GMCL2: variants seen among roughly 807,000 people sequenced by gnomAD.
GMCL2 encodes germ cell-less protein-like 2.
GMCL2 carries 33 observed loss-of-function variants against 36.2 expected under a neutral mutation model. The ratio of observed to expected loss-of-function variants is 0.91; its 90% CI spans 0.69 to 1.22. The LOEUF (loss-of-function observed/expected upper bound fraction) is 1.22. GMCL2 is among the 50% of genes most tolerant of loss of function. GMCL2 has a pLI of 0.00. For missense variants in GMCL2, 478 were observed against 514.5 expected, an observed-to-expected ratio of 0.93 and a Z score of 0.69; for synonymous variants, 172 against 184.3, an observed-to-expected ratio of 0.93 and a Z score of 0.54.
In GMCL2 at chr5:178,186,417, A is replaced by G. The variant is rs563091690; in HGVS notation, c.883T>C (p.Leu295=). The G allele has an allele frequency of 6.2e-7, 1 of 1,611,962 alleles. No individual in the cohort carries two copies. The highest frequency in any genetic ancestry group is 1.7e-5 in the Admixed American group (1 of 60,030). The change falls in exon 1 of 1, where the codon TTA becomes CTA. Residue 295 remains leucine, a synonymous_variant. Transcript: ENST00000463439. ...LQLVPSWNGS[L]KQLLTETDVW... is the part of the protein sequence containing the mutation. Reference sequence around the variant, plus strand: ...TCTGTTTCTGTCAAAAGCTGTTTTAAAGATCCATTCCAAGAAGGCACAAGT... The same window carrying G: ...TCTGTTTCTGTCAAAAGCTGTTTTAGAGATCCATTCCAAGAAGGCACAAGT...
rs928576588 is a variant in GMCL2 at position 178,185,048 on chromosome 5, T to G, written c.*671A>C. ...GATTTTTCACGCATTCAAGATCATT[T>G]GAAGGTGTGAAGCTAACTTTCATTG... On this transcript the variant is annotated 3_prime_UTR_variant, in exon 1 of 1. Transcript: ENST00000463439. Among the ~76,000 whole-genome samples, 11 of 152,218 alleles carry G rather than the reference T, an allele frequency of 7.2e-5. No individual in the cohort carries two copies. The highest frequency in any genetic ancestry group is 1.2e-4 in the Non-Finnish European group (8 of 68,024).
Position 178,187,270 on chromosome 5 carries a change from G to C in GMCL2, c.30C>G (p.Gly10=). 1.1e-6 allele frequency: 1 copy of C among 941,936 alleles called. No homozygotes were observed. The highest frequency in any genetic ancestry group is 1.4e-5 in the South Asian group (1 of 70,922). 58.3% of individuals were successfully genotyped at this position (941,936 alleles called of 1,614,324 possible). MGSSSSRVL[G]QPRRALAQQE... ...GCTGGGCAAGGGCTCGCCTCGGCTG[G>C]CCCAGCACCCGGCTGCTCGACGATC... The change falls in exon 1 of 1, where the codon GGC becomes GGG. Residue 10 remains glycine (G), a synonymous_variant. Transcript: ENST00000463439.
rs747551813 is a variant in GMCL2, at chr5:178,186,658, G to A, written c.642C>T (p.Cys214=). ...AGATCTCTACTGATGTGTAATAACC[G>A]CATACAGTTTTCACATTAATTGTTT... The part of the protein sequence containing the change: ...MKETINVKTV[C]GYYTSVEIYG... Residue 214 remains cysteine, a synonymous_variant, in exon 1 of 1, where the codon TGC becomes TGT. Transcript: ENST00000463439. 15 of 1,179,472 alleles carry A rather than the reference G, an allele frequency of 1.3e-5. No homozygotes were observed. The highest frequency in any genetic ancestry group is 6.0e-5 in the African/African-American group (4 of 66,488). 73.1% of individuals were successfully genotyped at this position (1,179,472 alleles called of 1,614,324 possible). A position where few individuals can be genotyped will look rare whatever the true frequency, so the allele number is the denominator to read the frequency against.
rs764745488 is a variant in GMCL2, at chr5:178,186,577, C to T, written c.723G>A (p.Met241Ile). 2 of 1,234,478 alleles carry T rather than the reference C, an allele frequency of 1.6e-6. No individual in the cohort carries two copies. The highest frequency in any genetic ancestry group is 2.3e-5 in the East Asian group (1 of 43,112). 76.5% of individuals were successfully genotyped at this position (1,234,478 alleles called of 1,614,324 possible). The change falls in exon 1 of 1, where the codon ATG (methionine) becomes ATA (isoleucine). Residue 241 changes from methionine to isoleucine, a missense_variant. Met to Ile is a conservative substitution (Grantham distance 10). Transcript: ENST00000463439. ...TAAAAAGTTTAACATTCTGGTGAGTCATCAAATTGTTTAGAAGCCATTCAA... is the reference window on the plus strand; with the variant it reads ...TAAAAAGTTTAACATTCTGGTGAGTTATCAAATTGTTTAGAAGCCATTCAA... ...KCLEWLLNNL[M>I]THQNVKLFKE...
In GMCL2 at chr5:178,185,850, G is replaced by C; in HGVS notation, c.1450C>G (p.Gln484Glu). The change falls in exon 1 of 1, where the codon CAG becomes GAG. Residue 484 changes from glutamine to glutamate, a missense_variant. This residue lies in a region of GMCL2 where 135 missense variants were observed against 119.0 expected (regional missense o/e 1.13). Transcript: ENST00000463439. ...TCCAAGTTCATCACCACTTGTTCCT[G>C]ATCCTTTTTAAGTATAAGTATTTGA... ...GYQILILKKD[Q>E]EQVVMNLDSR... 1 of 912,256 alleles carries C rather than the reference G, an allele frequency of 1.1e-6. No homozygotes were observed. Among genetic ancestry groups the C allele is most frequent in the Non-Finnish European group, 1.8e-6 (1 of 544,526 alleles). 56.5% of individuals were successfully genotyped at this position (912,256 alleles called of 1,614,324 possible). A position where few individuals can be genotyped will look rare whatever the true frequency, so the allele number is the denominator to read the frequency against.
chr5:178,185,961 G>C lies in GMCL2; in HGVS notation c.1339C>G (p.Arg447Gly). The C allele has an allele frequency of 1.3e-6, 1 of 767,438 alleles. No homozygotes were observed. The highest frequency in any genetic ancestry group is 2.4e-6 in the Non-Finnish European group (1 of 411,642). The allele number at this position is 767,438 out of a possible 1,614,324, so 47.5% of individuals were successfully genotyped here. A position where few individuals can be genotyped will look rare whatever the true frequency, so the allele number is the denominator to read the frequency against. ...NQPRSGSVSL[R>G]PRRSIAFRLR... ...CTAAATGCTATGCTCCTTCGAGGCC[G>C]TAAACTGACAGACCCGCTGCGTGGC... is the stretch of plus-strand genomic sequence containing the variant. Residue 447 changes from arginine to glycine, a missense_variant, in exon 1 of 1, where the codon CGG becomes GGG. Physicochemically the swap from Arg to Gly is moderately radical, Grantham distance 125. Transcript: ENST00000463439.
rs1213888315 is a variant in GMCL2, at chr5:178,186,441, G to A, written c.859C>T (p.Leu287Phe). 1 of 1,609,074 alleles carries A rather than the reference G, an allele frequency of 6.2e-7. No homozygotes were observed. The highest frequency in any genetic ancestry group is 1.1e-5 in the South Asian group (1 of 90,972). Residue 287 changes from leucine (L) to phenylalanine (F), a missense_variant, in exon 1 of 1, where the codon CTT becomes TTT. By Grantham distance (22) the Leu-to-Phe change is conservative (BLOSUM62 0). Transcript: ENST00000463439. ...AAAGATCCATTCCAAGAAGGCACAA[G>A]TTGAAGGAACATCCACTTTTTTAGA... ...TTLKKWMFLQ[L>F]VPSWNGSLKQ...
At position 178,187,277 on chromosome 5, in the gene GMCL2, A is replaced by C; in HGVS notation, c.23T>G (p.Val8Gly). MGSSSSR[V>G]LGQPRRALAQ... is the part of the protein sequence containing the mutation. ...AAGGGCTCGCCTCGGCTGGCCCAGC[A>C]CCCGGCTGCTCGACGATCCCATGGG... Residue 8 changes from valine (V) to glycine (G), a missense_variant, in exon 1 of 1, where the codon GTG becomes GGG. Physicochemically the swap from Val to Gly is moderately radical, Grantham distance 109. This residue lies in a region of GMCL2 where 127 missense variants were observed against 86.4 expected (regional missense o/e 1.47). Transcript: ENST00000463439. The C allele has an allele frequency of 1.1e-6, 1 of 922,668 alleles. No individual in the cohort carries two copies. Among genetic ancestry groups the C allele is most frequent in the Non-Finnish European group, 1.7e-6 (1 of 593,344 alleles). The allele number at this position is 922,668 out of a possible 1,614,324, so 57.2% of individuals were successfully genotyped here.
rs1396429555 is a variant in GMCL2, at chr5:178,187,084, C to T, written c.216G>A (p.Glu72=). The change falls in exon 1 of 1, where the codon GAG becomes GAA. Residue 72 remains glutamate (E), a synonymous_variant. Transcript: ENST00000463439. ...GCGGCTGCTGCTTGTCCCCCTCCTC[C>T]TCATGCTCCTCCCTGTGCGAGTCCG... The part of the protein sequence containing the change: ...CDPDSHREEH[E]EEGDKQQPLL... The T allele has an allele frequency of 5.7e-6, 6 of 1,051,716 alleles. No individual in the cohort carries two copies. In the African/African-American group the frequency reaches 6.2e-5, roughly 11 times the overall value. The allele number at this position is 1,051,716 out of a possible 1,614,324, so 65.1% of individuals were successfully genotyped here. A position where few individuals can be genotyped will look rare whatever the true frequency, so the allele number is the denominator to read the frequency against.
chr5:178,184,788 C>A lies in GMCL2; in HGVS notation c.*931G>T, dbSNP rs1416407844. On this transcript the variant is annotated 3_prime_UTR_variant, in exon 1 of 1. Coordinates refer to ENST00000463439, the MANE Select transcript of GMCL2 (RefSeq NM_001358008.2). The stretch of plus-strand genomic sequence containing the variant: ...CTTATTTACATTTACTATGAAATTG[C>A]TGTTAGCATGTCACTCAAAGCCACT... Among the ~76,000 whole-genome samples, 8 of 152,146 alleles carry A rather than the reference C, an allele frequency of 5.3e-5. No homozygotes were observed. The highest frequency in any genetic ancestry group is 5.2e-4 in the Admixed American group (8 of 15,274).
Position 178,185,599 on chromosome 5 carries a change from G to T in GMCL2, c.*120C>A, listed in dbSNP as rs558931566. 5 of 495,558 alleles carry T rather than the reference G, an allele frequency of 1.0e-5. No homozygotes were observed. In the East Asian group the frequency reaches 1.9e-4, roughly 19 times the overall value. 30.7% of individuals were successfully genotyped at this position (495,558 alleles called of 1,614,324 possible). A position where few individuals can be genotyped will look rare whatever the true frequency, so the allele number is the denominator to read the frequency against. ...ATAAGAATAGTCTTCTGTATTGTCCGTACAGTTCATAAGGCCTTTGTCATT... is the reference window on the plus strand; with the variant it reads ...ATAAGAATAGTCTTCTGTATTGTCCTTACAGTTCATAAGGCCTTTGTCATT... On this transcript the variant is annotated 3_prime_UTR_variant, in exon 1 of 1. Coordinates refer to ENST00000463439, the MANE Select transcript of GMCL2 (RefSeq NM_001358008.2).
chr5:178,186,457 C>T lies in GMCL2; in HGVS notation c.843G>A (p.Lys281=), dbSNP rs760198981. ...VEMDVYTTLK[K]WMFLQLVPSW... ...AAGGCACAAGTTGAAGGAACATCCA[C>T]TTTTTTAGAGTGGTGTATACATCCA... Residue 281 remains lysine, a synonymous_variant, in exon 1 of 1, where the codon AAG becomes AAA. Transcript: ENST00000463439. The T allele has an allele frequency of 1.3e-6, 2 of 1,594,564 alleles. No homozygotes were observed. Among genetic ancestry groups the T allele is most frequent in the African/African-American group, 1.3e-5 (1 of 74,556 alleles).
Position 178,186,502 on chromosome 5 carries a change from T to A in GMCL2, c.798A>T (p.Leu266Phe). 7 of 1,395,850 alleles carry A rather than the reference T, an allele frequency of 5.0e-6. No individual in the cohort carries two copies. Among genetic ancestry groups the A allele is most frequent in the Non-Finnish European group, 7.1e-6 (7 of 980,834 alleles). The allele number at this position is 1,395,850 out of a possible 1,614,324, so 86.5% of individuals were successfully genotyped here. A position where few individuals can be genotyped will look rare whatever the true frequency, so the allele number is the denominator to read the frequency against. The change falls in exon 1 of 1, where the codon TTA (leucine) becomes TTT (phenylalanine). Residue 266 changes from leucine to phenylalanine, a missense_variant. Coordinates refer to ENST00000463439, the MANE Select transcript of GMCL2 (RefSeq NM_001358008.2). ...VMKQLIGSSN[L>F]FVMQVEMDVY... Reference sequence around the variant, plus strand: ...CATCCATCTCCACTTGCATCACAAATAAGTTAGAGGAACCAATGAGCTGTT... The same window carrying A: ...CATCCATCTCCACTTGCATCACAAAAAAGTTAGAGGAACCAATGAGCTGTT...
At position 178,184,913 on chromosome 5, in the gene GMCL2, T is replaced by C. The variant is rs1756673286; in HGVS notation, c.*806A>G. Among the ~76,000 whole-genome samples, 1 of 152,162 alleles carries C rather than the reference T, an allele frequency of 6.6e-6. No homozygotes were observed. The highest frequency in any genetic ancestry group is 1.5e-5 in the Non-Finnish European group (1 of 68,024). ...GTAAAGATCAGAGAATATTAAAATA[T>C]TTAAAAGTATAATATCTGGTACATA... On this transcript the variant is annotated 3_prime_UTR_variant, in exon 1 of 1. Transcript: ENST00000463439.
Position 178,185,854 on chromosome 5 carries a change from C to A in GMCL2, c.1446G>T (p.Lys482Asn). The change falls in exon 1 of 1, where the codon AAG becomes AAT. Residue 482 changes from lysine to asparagine, a missense_variant. Coordinates refer to ENST00000463439, the MANE Select transcript of GMCL2 (RefSeq NM_001358008.2). Reference sequence around the variant, plus strand: ...AGTTCATCACCACTTGTTCCTGATCCTTTTTAAGTATAAGTATTTGATAGC... The same window carrying A: ...AGTTCATCACCACTTGTTCCTGATCATTTTTAAGTATAAGTATTTGATAGC... ...TTGYQILILK[K>N]DQEQVVMNLD... The A allele has an allele frequency of 2.2e-6, 2 of 894,934 alleles. No individual in the cohort carries two copies. The highest frequency in any genetic ancestry group is 3.8e-6 in the Non-Finnish European group (2 of 528,820). The allele number at this position is 894,934 out of a possible 1,614,324, so 55.4% of individuals were successfully genotyped here.
rs1756694275 is a variant in GMCL2, at chr5:178,186,211, C to T, written c.1089G>A (p.Val363=). ...GIVPSEWLSS[V]YKQQWFAMLR... is the part of the protein sequence containing the mutation. ...GCATAGCAAACCACTGCTGTTTATA[C>T]ACAGAAGACAGCCATTCTGAAGGTA... is the stretch of plus-strand genomic sequence containing the variant. The change falls in exon 1 of 1, where the codon GTG becomes GTA. Residue 363 remains valine (V), a synonymous_variant. Transcript: ENST00000463439. The T allele has an allele frequency of 4.7e-6, 4 of 858,878 alleles. No homozygotes were observed. The highest frequency in any genetic ancestry group is 1.7e-5 in the Admixed American group (1 of 59,042). 53.2% of individuals were successfully genotyped at this position (858,878 alleles called of 1,614,324 possible).
Position 178,185,911 on chromosome 5 carries a change from A to G in GMCL2, c.1389T>C (p.Ser463=). ...AFRLRLASFD[S]SGKLVCSRTT... ...TTCTACTACATACTAGTTTTCCACT[A>G]CTATCAAAAGAAGCCAAGCGTAATC... The change falls in exon 1 of 1, where the codon AGT becomes AGC. Residue 463 remains serine, a synonymous_variant. Coordinates refer to ENST00000463439, the MANE Select transcript of GMCL2 (RefSeq NM_001358008.2). 2.6e-6 allele frequency: 2 copies of G among 778,840 alleles called. No individual in the cohort carries two copies. The highest frequency in any genetic ancestry group is 4.7e-6 in the Non-Finnish European group (2 of 422,580). 48.2% of individuals were successfully genotyped at this position (778,840 alleles called of 1,614,324 possible).
rs1340457296 is a variant in GMCL2 at position 178,185,549 on chromosome 5, G to A, written c.*170C>T. ...TCTTGGCTTTAAAATGATTTTTTTT[G>A]TATATGCATAGAAATGCAATGAGGA... On this transcript the variant is annotated 3_prime_UTR_variant, in exon 1 of 1. Coordinates refer to ENST00000463439, the MANE Select transcript of GMCL2 (RefSeq NM_001358008.2). Among the ~76,000 whole-genome samples, 1 of 152,120 alleles carries A rather than the reference G, an allele frequency of 6.6e-6. No homozygotes were observed. The highest frequency in any genetic ancestry group is 1.5e-5 in the Non-Finnish European group (1 of 68,018).
At chr5:178,186,762 G>A in the GMCL2 span, 56 of 1,607,362 alleles carry the variant, frequency 3.5e-5, no homozygotes, top group Non-Finnish European at 4.6e-5. Context: ...GCAACAACTC[G>A]ACTGGGTTTT....
Sources: gnomAD v4.1 joint callset for allele counts (sites outside exome capture counted in the v4.1 genomes callset) on GRCh38, gnomAD v4.1.1 for gene constraint, gnomAD v4.1.1 regional missense constraint, MANE v1.5 for transcripts, NCBI Gene and HGNC (gene_info 2026-07-23, HGNC 2026-07-21) for gene names.